KLHDC4: variants seen among roughly 807,000 people sequenced by gnomAD.
KLHDC4 encodes the protein kelch domain-containing protein 4.
In KLHDC4, 90 loss-of-function variants were observed where a neutral mutation model predicts 62.4. The ratio of observed to expected loss-of-function variants is 1.44; its 90% CI spans 1.22 to 1.72. KLHDC4 has a LOEUF of 1.72. Among genes scored for constraint, KLHDC4 ranks in the 40% most tolerant of loss-of-function variants. The probability of loss-of-function intolerance (pLI) is 0.00; values close to 1 mark genes in which losing one functional copy is unlikely to be tolerated. For missense variants in KLHDC4, 1,025 were observed against 699.7 expected (o/e 1.47, Z -5.25); for synonymous variants, 386 against 284.4 (o/e 1.36, Z -3.59).
rs771958341 is a variant in KLHDC4, at chr16:87,709,400, C to A, written c.1312G>T (p.Ala438Ser). 6 of 1,613,252 alleles carry A rather than the reference C, an allele frequency of 3.7e-6. No individual in the cohort carries two copies. Among genetic ancestry groups the A allele is most frequent in the Admixed American group, 1.7e-5 (1 of 60,010 alleles). ...GPCPRSNAMLAVKHGVLYVYG... is the reference protein window; with the variant it reads ...GPCPRSNAMLSVKHGVLYVYG... ...ACGTAGAGCACCCCATGCTTCACAGCCAGCATGGCGTTGGAGCGTGGACAC... is the reference window on the plus strand; with the variant it reads ...ACGTAGAGCACCCCATGCTTCACAGACAGCATGGCGTTGGAGCGTGGACAC... The change falls in exon 10 of 12, where the codon GCT becomes TCT. Residue 438 changes from alanine (A) to serine (S), a missense_variant. Physicochemically the swap from Ala to Ser is moderately conservative, Grantham distance 99. Coordinates refer to ENST00000270583, the MANE Select transcript of KLHDC4 (RefSeq NM_017566.4).
chr16:87,734,061 G>T (rs1388364831), intron 5 of KLHDC4, among the ~76,000 whole-genome samples: 1 of 152,210 alleles, frequency 6.6e-6, no homozygotes, highest in African/African-American at 2.4e-5. Context: ...AAAAACACAA[G>T]AGGGCCGGGC....
Position 87,711,410 on chromosome 16 carries a change from C to T in KLHDC4, c.869G>A (p.Gly290Glu). The part of the protein sequence containing the change: ...KWVWTRMNPS[G>E]VKPTPRSGFS... ...GCCAGACCGTGGGGTGGGCTTGACC[C>T]CCGAAGGGTTCATCCGAGTCCAAAC... The change falls in exon 9 of 12, where the codon GGG (glycine) becomes GAG (glutamate). Residue 290 changes from glycine (G) to glutamate (E), a missense_variant. Physicochemically the swap from Gly to Glu is moderately conservative, Grantham distance 98. Coordinates refer to ENST00000270583, the MANE Select transcript of KLHDC4 (RefSeq NM_017566.4). The T allele has an allele frequency of 6.2e-7, 1 of 1,612,916 alleles. No individual in the cohort carries two copies. Among genetic ancestry groups the T allele is most frequent in the Non-Finnish European group, 8.5e-7 (1 of 1,179,932 alleles).
At chr16:87,736,373 G>A (rs145243604) in intron 5 of KLHDC4, among the ~76,000 whole-genome samples, 1 of 152,288 alleles carries the variant, frequency 6.6e-6, no homozygotes, top group East Asian at 1.9e-4. Context: ...CAGCCCGACA[G>A]CAGGACCACT....
At position 87,714,547 on chromosome 16, in the gene KLHDC4, G is replaced by A; in HGVS notation, c.786C>T (p.Gly262=). 6.2e-7 allele frequency: 1 copy of A among 1,614,148 alleles called. No homozygotes were observed. Among genetic ancestry groups the A allele is most frequent in the South Asian group, 1.1e-5 (1 of 91,080 alleles). ...KQRVKKDVDK[G]TRHSDMFLLK... is the part of the protein sequence containing the mutation. ...GCAGGAACATGTCTGAGTGCCGTGTGCCCTTGTCCACGTCTTTCTTAACTC... is the reference window on the plus strand; with the variant it reads ...GCAGGAACATGTCTGAGTGCCGTGTACCCTTGTCCACGTCTTTCTTAACTC... Residue 262 remains glycine, a synonymous_variant, in exon 8 of 12, where the codon GGC becomes GGT. Transcript: ENST00000270583.
chr16:87,713,842 G>C (rs1328168132), intron 8 of KLHDC4, among the ~76,000 whole-genome samples: 1 of 152,172 alleles, frequency 6.6e-6, no homozygotes, highest in African/African-American at 2.4e-5. Flanking sequence ...CTGTGCTTTA[G>C]TAAGAAAATT....
chr16:87,752,088 T>A (rs1461723870), intron 4 of KLHDC4, among the ~76,000 whole-genome samples: 1 of 5,798 alleles, frequency 1.7e-4, no homozygotes, highest in East Asian at 5.3e-3. Context: ...AGACTTTGTC[T>A]CAAAAAAAAA....
chr16:87,733,484 C>T (rs898478907), intron 5 of KLHDC4, among the ~76,000 whole-genome samples: 1 of 152,186 alleles, frequency 6.6e-6, no homozygotes, highest in Non-Finnish European at 1.5e-5. Context: ...GCTGGGACTA[C>T]CCAGGGAATC....
At chr16:87,761,286 C>G (rs894838147) in intron 2 of KLHDC4, among the ~76,000 whole-genome samples, 1 of 152,128 alleles carries the variant, frequency 6.6e-6, no homozygotes, top group East Asian at 1.9e-4. Context: ...GGCACCAGAG[C>G]CATCACATGC....
At chr16:87,736,109 T>C (rs537318713) in intron 5 of KLHDC4, among the ~76,000 whole-genome samples, 2 of 152,192 alleles carry the variant, frequency 1.3e-5, no homozygotes, top group South Asian at 4.1e-4. Context: ...TTAGGCGACC[T>C]TGTCATTGTG....
intron 5 of KLHDC4, among the ~76,000 whole-genome samples, chr16:87,742,502 C>T (rs961987123): frequency 2.0e-5 from 3 of 152,196 alleles, no homozygotes; most frequent in African/African-American, 7.2e-5. Flanking sequence ...TCAAAATAAG[C>T]ATGCCTTCCA....
intron 9 of KLHDC4, 133 bp from the exon 10 acceptor site, chr16:87,709,800 G>T: frequency 9.0e-7 from 1 of 1,106,736 alleles, no homozygotes; most frequent in Non-Finnish European, 1.3e-6. Flanking sequence ...CCAGGAAGGC[G>T]CCATCCCTGA....
intron 7 of KLHDC4, among the ~76,000 whole-genome samples, chr16:87,724,367 A>T (rs2038971870): frequency 6.6e-6 from 1 of 152,224 alleles, no homozygotes; most frequent in African/African-American, 2.4e-5. Context: ...AAAACGTAAT[A>T]AATTAGATTT....
chr16:87,715,202 T>C (rs775708910), intron 7 of KLHDC4, among the ~76,000 whole-genome samples: 1 of 152,202 alleles, frequency 6.6e-6, no homozygotes, highest in Non-Finnish European at 1.5e-5. Context: ...ACGCTCACCC[T>C]GGGTGGAGGG....
chr16:87,708,093 A>C lies in KLHDC4; in HGVS notation c.*2-18T>G. The C allele has an allele frequency of 3.3e-6, 2 of 614,902 alleles. No homozygotes were observed. The highest frequency in any genetic ancestry group is 3.4e-5 in the East Asian group (1 of 29,514). The allele number at this position is 614,902 out of a possible 1,614,324, so 38.1% of individuals were successfully genotyped here. ...GGGCTCTTCTGATACGCAAGGAGGA[A>C]GGAATGAGAGAGAAACACATTCAGC... On this transcript the variant is annotated intron_variant, in intron 11 of 11. Coordinates refer to ENST00000270583, the MANE Select transcript of KLHDC4 (RefSeq NM_017566.4).
intron 5 of KLHDC4, among the ~76,000 whole-genome samples, chr16:87,733,322 G>C (rs573515507): frequency 2.6e-5 from 4 of 152,336 alleles, no homozygotes; most frequent in Admixed American, 2.0e-4. Flanking sequence ...AAACAGACAG[G>C]GGTGGTGAGG....
At chr16:87,737,177 A>AGT (rs956610569) in intron 5 of KLHDC4, among the ~76,000 whole-genome samples, 22 of 151,706 alleles carry the variant, frequency 1.5e-4, no homozygotes, top group African/African-American at 5.1e-4. Flanking sequence ...GAAAGCAGTC[A>AGT]GTGGCACAGC....
chr16:87,760,346 G>A (rs2045672181), intron 2 of KLHDC4, among the ~76,000 whole-genome samples: 1 of 151,654 alleles, frequency 6.6e-6, no homozygotes, highest in South Asian at 2.1e-4. Flanking sequence ...GGTGGCTCAC[G>A]CCTGTAATCC....
chr16:87,725,002 T>C (rs1247680350), intron 7 of KLHDC4, among the ~76,000 whole-genome samples: 3 of 152,106 alleles, frequency 2.0e-5, no homozygotes, highest in Non-Finnish European at 2.9e-5. Flanking sequence ...AGTCATATAA[T>C]GGAACACTTC....
chr16:87,705,180 C>T (rs914039588), downstream of KLHDC4, among the ~76,000 whole-genome samples: 1 of 152,194 alleles, frequency 6.6e-6, no homozygotes, highest in Non-Finnish European at 1.5e-5. Flanking sequence ...GTCCCAGCCG[C>T]GCCGCGCCAG....
Sources: gnomAD v4.1 joint callset for allele counts (sites outside exome capture counted in the v4.1 genomes callset) on GRCh38, gnomAD v4.1.1 for gene constraint, MANE v1.5 for transcripts, NCBI Gene and HGNC (gene_info 2026-07-23, HGNC 2026-07-21) for gene names.